The following RAD51B variants were observed in gnomAD, a reference collection of about 807,000 sequenced individuals.
RAD51B encodes the protein DNA repair protein RAD51 homolog 2.
In RAD51B, 38 loss-of-function variants were observed where a neutral mutation model predicts 42.2. The observed-to-expected ratio is 0.90, with a 90% CI of 0.70 to 1.18. The LOEUF is 1.18. RAD51B is among the 50% of genes most tolerant of loss of function. RAD51B has a pLI of 0.00. For synonymous variants in RAD51B, 154 were observed against 145.2 expected, an observed-to-expected ratio of 1.06 and a Z score of -0.43; for missense variants, 373 against 400.7, an observed-to-expected ratio of 0.93 and a Z score of 0.59.
At chr14:68,219,478 T>G (rs1052234981) in intron 7 of RAD51B, among the ~76,000 whole-genome samples, 2 of 152,096 alleles carry the variant, frequency 1.3e-5, no homozygotes, top group African/African-American at 4.8e-5. Context: ...GGTACTGGTA[T>G]CCTCGGCTGC....
At chr14:68,091,155 T>G (rs555927962) in intron 7 of RAD51B, among the ~76,000 whole-genome samples, 1 of 152,326 alleles carries the variant, frequency 6.6e-6, no homozygotes, top group South Asian at 2.1e-4. Context: ...AGTGCCGCAA[T>G]AAACATACGT....
At chr14:68,301,665 C>G (rs142243662) in intron 8 of RAD51B, among the ~76,000 whole-genome samples, 2,140 of 147,258 alleles carry the variant, frequency 0.015, 47 homozygotes, top group African/African-American at 0.05. Context: ...GGCATGATCT[C>G]CACTCACTGC....
intron 10 of RAD51B, among the ~76,000 whole-genome samples, chr14:68,492,951 C>G (rs188959708): frequency 1.1e-4 from 16 of 152,306 alleles, no homozygotes; most frequent in Admixed American, 5.2e-4. Flanking sequence ...GTGATCAGAG[C>G]CAGGATTTAA....
chr14:68,236,729 C>G (rs2080266130), intron 7 of RAD51B, among the ~76,000 whole-genome samples: 1 of 152,164 alleles, frequency 6.6e-6, no homozygotes, highest in Admixed American at 6.5e-5. Context: ...AACACTGACC[C>G]CTTCTAGGCC....
chr14:68,299,769 A>G (rs2081687391), intron 8 of RAD51B, among the ~76,000 whole-genome samples: 1 of 152,232 alleles, frequency 6.6e-6, no homozygotes. Flanking sequence ...TAAGGATACA[A>G]TTGAGATTAT....
At chr14:68,521,794 T>C (rs538371434) in intron 10 of RAD51B, among the ~76,000 whole-genome samples, 14 of 152,154 alleles carry the variant, frequency 9.2e-5, no homozygotes, top group Non-Finnish European at 2.1e-4. Context: ...TTCAGAGTGG[T>C]TCCTTTGGCA....
rs139350908 is a variant in RAD51B, at chr14:68,508,506, G to A, written c.1036+40256G>A. ...GAGTCAACATTCTACGCAAGCCAGC[G>A]TGGCACCCTGCTTGTCTATGATTCT... is the stretch of plus-strand genomic sequence containing the variant. On this transcript the variant is annotated intron_variant, in intron 10 of 10. Transcript: ENST00000487270. 5.1e-3 allele frequency among the ~76,000 whole-genome samples: 777 copies of A among 152,312 alleles called. 5 individuals are homozygous for A. Among genetic ancestry groups the A allele is most frequent in the Non-Finnish European group, 7.1e-3 (480 of 68,032 alleles).
chr14:67,972,799 C>T (rs542115265), intron 7 of RAD51B, among the ~76,000 whole-genome samples: 2 of 151,954 alleles, frequency 1.3e-5, no homozygotes, highest in Admixed American at 6.6e-5. Context: ...AATTGGGAAC[C>T]GTTTGAACAA....
At chr14:68,068,161 C>T (rs2076685476) in intron 7 of RAD51B, among the ~76,000 whole-genome samples, 1 of 151,930 alleles carries the variant, frequency 6.6e-6, no homozygotes, top group Non-Finnish European at 1.5e-5. Flanking sequence ...TTTCAATGTA[C>T]AATTTAGTGG....
At chr14:68,036,478 A>G (rs1403352873) in intron 7 of RAD51B, among the ~76,000 whole-genome samples, 1 of 152,264 alleles carries the variant, frequency 6.6e-6, no homozygotes, top group Admixed American at 6.5e-5. Context: ...TGGAGAAAGC[A>G]GAAAGAACAT....
chr14:68,093,645 A>C (rs1329549596), intron 7 of RAD51B, among the ~76,000 whole-genome samples: 1 of 152,034 alleles, frequency 6.6e-6, no homozygotes, highest in East Asian at 1.9e-4. Context: ...TCTTTTCAAA[A>C]AACCAGCTCC....
chr14:68,115,859 A>G (rs1236008704), intron 7 of RAD51B, among the ~76,000 whole-genome samples: 2 of 152,142 alleles, frequency 1.3e-5, no homozygotes, highest in Non-Finnish European at 2.9e-5. Context: ...GGTGTTCCAC[A>G]TGGGAAACTG....
At chr14:68,423,413 C>G (rs2084758170) in intron 9 of RAD51B, among the ~76,000 whole-genome samples, 1 of 152,096 alleles carries the variant, frequency 6.6e-6, no homozygotes, top group Non-Finnish European at 1.5e-5. Context: ...CTGCTAAGTG[C>G]TTTGTGGGCA....
intron 7 of RAD51B, among the ~76,000 whole-genome samples, chr14:68,242,729 A>C (rs2080418352): frequency 6.6e-6 from 1 of 152,226 alleles, no homozygotes; most frequent in East Asian, 1.9e-4. Flanking sequence ...CTTTTCACAC[A>C]TTATCTCTTT....
At chr14:68,042,677 A>G (rs929510980) in intron 7 of RAD51B, among the ~76,000 whole-genome samples, 1 of 152,130 alleles carries the variant, frequency 6.6e-6, no homozygotes, top group Non-Finnish European at 1.5e-5. Flanking sequence ...TAGAATAAAC[A>G]TTCTTTGTGA....
chr14:68,573,136 T>G (rs1051003920), intron 10 of RAD51B, among the ~76,000 whole-genome samples: 6 of 152,182 alleles, frequency 3.9e-5, no homozygotes, highest in African/African-American at 1.4e-4. Flanking sequence ...GTATGTACAA[T>G]GGATCATGTC....
At chr14:68,489,377 T>A (rs941465580) in intron 10 of RAD51B, among the ~76,000 whole-genome samples, 3 of 152,208 alleles carry the variant, frequency 2.0e-5, no homozygotes, top group African/African-American at 7.2e-5. Context: ...CAGGCAATTA[T>A]GCATATAATT....
At chr14:68,363,513 G>C (rs1362693409) in intron 8 of RAD51B, among the ~76,000 whole-genome samples, 2 of 152,176 alleles carry the variant, frequency 1.3e-5, no homozygotes, top group East Asian at 3.9e-4. Context: ...TGCAGGCTCT[G>C]AGTGAAGGGG....
intron 10 of RAD51B, among the ~76,000 whole-genome samples, chr14:68,617,166 G>A (rs1210479223): frequency 6.6e-6 from 1 of 152,106 alleles, no homozygotes; most frequent in East Asian, 1.9e-4. Flanking sequence ...AGGTTACATT[G>A]TTGAATGTTT....
Sources: allele counts gnomAD v4.1 joint callset (sites outside exome capture counted in the v4.1 genomes callset), GRCh38; gene constraint gnomAD v4.1.1; transcripts MANE v1.5; gene names NCBI Gene and HGNC (gene_info 2026-07-23, HGNC 2026-07-21).